Variants in IGF1R observed in about 807,000 individuals in gnomAD.
The protein encoded by IGF1R is insulin-like growth factor 1 receptor.
IGF1R carries 44 observed loss-of-function variants against 144.6 expected under a neutral mutation model. The observed-to-expected ratio is 0.30, with a 90% CI of 0.24 to 0.39. The LOEUF (loss-of-function observed/expected upper bound fraction) is 0.39. IGF1R is among the 10% of genes least tolerant of loss of function. The probability of loss-of-function intolerance (pLI) is 1.00; values close to 1 mark genes in which losing one functional copy is unlikely to be tolerated. For missense variants in IGF1R, 1,355 were observed against 1,833.7 expected, an observed-to-expected ratio of 0.74 and a Z score of 4.77; for synonymous variants, 795 against 722.8, an observed-to-expected ratio of 1.10 and a Z score of -1.60.
At chr15:98,820,977 T>G (rs916964532) in intron 2 of IGF1R, 1 of 152,220 alleles carries the variant, frequency 6.6e-6, no homozygotes, top group African/African-American at 2.4e-5. Context: ...AATGTGTCTT[T>G]TCTTTTTGGT....
chr15:98,923,448 G>C (rs549504553), intron 11 of IGF1R, among the ~76,000 whole-genome samples: 1 of 152,384 alleles, frequency 6.6e-6, no homozygotes, highest in African/African-American at 2.4e-5. Flanking sequence ...TCCTGCTTCT[G>C]CTTACTCAGC....
At chr15:98,902,153 A>G (rs934484651) in intron 5 of IGF1R, among the ~76,000 whole-genome samples, 5 of 152,088 alleles carry the variant, frequency 3.3e-5, no homozygotes, top group African/African-American at 9.7e-5. Context: ...AGAAATCCTG[A>G]TGTCCAAGTT....
intron 2 of IGF1R, among the ~76,000 whole-genome samples, chr15:98,738,510 TG>T (rs1386266001): frequency 6.6e-6 from 1 of 152,182 alleles, no homozygotes; most frequent in Non-Finnish European, 1.5e-5. Flanking sequence ...CACCCCAGCC[TG>T]GGCAACAGAG....
chr15:98,840,114 C>T (rs546340556), intron 2 of IGF1R, among the ~76,000 whole-genome samples: 1 of 152,214 alleles, frequency 6.6e-6, no homozygotes, highest in African/African-American at 2.4e-5. Context: ...ACATTACATT[C>T]TTTTCTGTCC....
rs2141349529 is a variant in IGF1R at position 98,759,464 on chromosome 15, C to T, written c.640+51357C>T. ...TCTGACTTGGTCCGACATTGAAGTACCTTCCCCTGCATTACAGAAGAACGG... is the reference window on the plus strand; with the variant it reads ...TCTGACTTGGTCCGACATTGAAGTATCTTCCCCTGCATTACAGAAGAACGG... On this transcript the variant is annotated intron_variant, in intron 2 of 20. Transcript: ENST00000650285. Among the ~76,000 whole-genome samples, 2 of 152,330 alleles carry T rather than the reference C, an allele frequency of 1.3e-5. 1 individual carries two copies. The highest frequency in any genetic ancestry group is 4.8e-5 in the African/African-American group (2 of 41,576).
intron 1 of IGF1R, among the ~76,000 whole-genome samples, chr15:98,653,542 A>T (rs2052418763): frequency 2.6e-5 from 4 of 152,184 alleles, no homozygotes; most frequent in Admixed American, 2.0e-4. Context: ...AATCTTTAGG[A>T]TGCAGTAGTT....
chr15:98,693,651 G>C (rs866845645), intron 1 of IGF1R, among the ~76,000 whole-genome samples: 1 of 152,174 alleles, frequency 6.6e-6, no homozygotes, highest in Non-Finnish European at 1.5e-5. Context: ...TGTCACCCAG[G>C]CTGGAGTGCA....
intron 2 of IGF1R, among the ~76,000 whole-genome samples, chr15:98,763,044 C>CAAA (rs58091658): frequency 2.2e-5 from 3 of 134,624 alleles, no homozygotes; most frequent in Admixed American, 7.3e-5. Flanking sequence ...GGTTCCATCT[C>CAAA]AAAAAAAAAA....
chr15:98,954,029 AG>A (rs1038810864), intron 20 of IGF1R: 1 of 152,252 alleles, frequency 6.6e-6, no homozygotes, highest in African/African-American at 2.4e-5. Context: ...TCAGCCCCGC[AG>A]GTCCTCTGGG....
intron 19 of IGF1R, among the ~76,000 whole-genome samples, chr15:98,945,378 T>C (rs756642060): frequency 1.3e-5 from 2 of 152,236 alleles, no homozygotes; most frequent in Non-Finnish European, 2.9e-5. Flanking sequence ...GTATAGTTAC[T>C]GAATGCTGCC....
At chr15:98,774,907 T>C (rs781780337) in intron 2 of IGF1R, among the ~76,000 whole-genome samples, 16 of 151,598 alleles carry the variant, frequency 1.1e-4, no homozygotes, top group Non-Finnish European at 2.2e-4. Context: ...CTCGACTCAT[T>C]ATTGGATATT....
chr15:98,776,191 T>A (rs2055709937), intron 2 of IGF1R, among the ~76,000 whole-genome samples: 1 of 151,102 alleles, frequency 6.6e-6, no homozygotes, highest in South Asian at 2.1e-4. Context: ...TTTATTTTTT[T>A]ATTTTTTTTT....
intron 2 of IGF1R, among the ~76,000 whole-genome samples, chr15:98,881,725 A>G (rs961782508): frequency 2.6e-5 from 4 of 152,214 alleles, no homozygotes; most frequent in African/African-American, 9.6e-5. Flanking sequence ...CTGGGTTCCA[A>G]GCCCAGGTTT....
intron 7 of IGF1R, among the ~76,000 whole-genome samples, chr15:98,911,933 C>T (rs1051702736): frequency 6.6e-6 from 1 of 152,178 alleles, no homozygotes; most frequent in African/African-American, 2.4e-5. Context: ...CATGAGCCTT[C>T]CAAACAAGCG....
chr15:98,728,212 G>A (rs948971123), intron 2 of IGF1R, among the ~76,000 whole-genome samples: 1 of 152,016 alleles, frequency 6.6e-6, no homozygotes, highest in Admixed American at 6.6e-5. Context: ...GGGCTTCTTG[G>A]TGAAAAGTGA....
chr15:98,790,642 G>A lies in IGF1R; in HGVS notation c.640+82535G>A, dbSNP rs140249824. Among the ~76,000 whole-genome samples the A allele has an allele frequency of 5.9e-5, 9 of 152,226 alleles. No homozygotes were observed. The East Asian group carries it at 9.7e-4, about 16-fold the overall frequency. On this transcript the variant is annotated intron_variant, in intron 2 of 20. Transcript: ENST00000650285. ...GCAGACCCTTCTGTCTCTGTGCCTC[G>A]AGGGGCTATGTGGAAAGCAGAGAAA...
Position 98,957,634 on chromosome 15 carries a change from C to CA in IGF1R, c.*194dup. 3.0e-6 allele frequency: 2 copies of CA among 675,028 alleles called. No individual in the cohort carries two copies. The highest frequency in any genetic ancestry group is 5.5e-5 in the East Asian group (2 of 36,536). 41.8% of individuals were successfully genotyped at this position (675,028 alleles called of 1,614,324 possible). Reference sequence around the variant, plus strand: ...TTGGGATGTTCCTTTTTTCAATATGCAAGCAGCTTTTTATTCCCTGCCCAA... The same window carrying CA: ...TTGGGATGTTCCTTTTTTCAATATGCAAAGCAGCTTTTTATTCCCTGCCCAA... On this transcript the variant is annotated 3_prime_UTR_variant, in exon 21 of 21. Transcript: ENST00000650285.
chr15:98,782,075 C>T (rs2055873437), intron 2 of IGF1R, among the ~76,000 whole-genome samples: 1 of 152,058 alleles, frequency 6.6e-6, no homozygotes, highest in Admixed American at 6.6e-5. Flanking sequence ...GATCCTCCTG[C>T]CTTGGTCTCC....
intron 1 of IGF1R, among the ~76,000 whole-genome samples, chr15:98,702,032 T>TG (rs993102897): frequency 1.3e-5 from 1 of 78,818 alleles, no homozygotes; most frequent in African/African-American, 4.5e-5. Flanking sequence ...GGAGTCACGC[T>TG]GTTTTTTTTT....
Sources: allele counts gnomAD v4.1 joint callset (sites outside exome capture counted in the v4.1 genomes callset), GRCh38; gene constraint gnomAD v4.1.1; transcripts MANE v1.5; gene names NCBI Gene and HGNC (gene_info 2026-07-23, HGNC 2026-07-21).